PTPN2: variants seen among roughly 807,000 people sequenced by gnomAD.
PTPN2 encodes the protein tyrosine-protein phosphatase non-receptor type 2.
In PTPN2, 19 loss-of-function variants were observed where a neutral mutation model predicts 57.3. The ratio of observed to expected loss-of-function variants is 0.33; its 90% confidence interval spans 0.23 to 0.49. The LOEUF is 0.49. PTPN2 is among the 20% of genes least tolerant of loss of function. PTPN2 has a pLI of 0.99. For missense variants in PTPN2, 358 were observed against 501.1 expected (o/e 0.71, Z 2.73); for synonymous variants, 153 against 164.9 (o/e 0.93, Z 0.55).
At chr18:12,852,712 C>A (rs148840254) in intron 2 of PTPN2, among the ~76,000 whole-genome samples, 139 of 152,194 alleles carry the variant, frequency 9.1e-4, no homozygotes, top group Middle Eastern at 3.4e-3. Context: ...TATCCTTTTT[C>A]CTTTATGTTT....
chr18:12,789,836 T>C (rs1318087035), downstream of PTPN2, among the ~76,000 whole-genome samples: 1 of 149,620 alleles, frequency 6.7e-6, no homozygotes, highest in East Asian at 2.0e-4. Flanking sequence ...TTTATTTTTA[T>C]ATCTATTTTA....
chr18:12,872,638 G>A (rs1395083879), intron 1 of PTPN2, among the ~76,000 whole-genome samples: 1 of 151,828 alleles, frequency 6.6e-6, no homozygotes, highest in Non-Finnish European at 1.5e-5. Flanking sequence ...ATCACCAGGT[G>A]GGCCTATGAA....
intron 2 of PTPN2, among the ~76,000 whole-genome samples, 196 bp from the exon 3 acceptor site, chr18:12,837,087 T>C (rs1422740384): frequency 6.6e-6 from 1 of 152,254 alleles, no homozygotes; most frequent in Non-Finnish European, 1.5e-5. Flanking sequence ...TGTTTATTAC[T>C]ATAGTGCTGG....
At position 12,817,041 on chromosome 18, in the gene PTPN2, T is replaced by A. The variant is rs370269026; in HGVS notation, c.705+115A>T. 6.9e-6 allele frequency: 7 copies of A among 1,016,640 alleles called. No individual in the cohort carries two copies. The East Asian group carries it at 9.7e-5, about 14-fold the overall frequency. 63.0% of individuals were successfully genotyped at this position (1,016,640 alleles called of 1,614,324 possible). ...TTTAGGTTTTTCCAAAAGTAGAAGT[T>A]TAAGTTGAAAAACCTCAGTTCTGGG... On this transcript the variant is annotated intron_variant, in intron 6 of 8. Coordinates refer to ENST00000309660, the MANE Select transcript of PTPN2 (RefSeq NM_002828.4).
At chr18:12,806,263 A>T (rs1218017955) in intron 7 of PTPN2, among the ~76,000 whole-genome samples, 1 of 152,212 alleles carries the variant, frequency 6.6e-6, no homozygotes, top group Non-Finnish European at 1.5e-5. Context: ...AGGAGGTGAA[A>T]GATCTCTATA....
chr18:12,861,276 A>C (rs952255736), intron 1 of PTPN2, among the ~76,000 whole-genome samples: 6 of 152,254 alleles, frequency 3.9e-5, no homozygotes, highest in African/African-American at 1.4e-4. Flanking sequence ...CACGTGGAAG[A>C]GAAATTTAAT....
intron 1 of PTPN2, among the ~76,000 whole-genome samples, chr18:12,865,897 A>T (rs1484541040): frequency 2.0e-5 from 3 of 152,216 alleles, no homozygotes; most frequent in Non-Finnish European, 4.4e-5. Context: ...AAGAGTTAAC[A>T]TATGAACTAG....
chr18:12,844,051 T>C (rs56150366), intron 2 of PTPN2: 61,096 of 152,064 alleles, frequency 0.4, 12,853 homozygotes, highest in South Asian at 0.59. Flanking sequence ...TATGTCATCA[T>C]TGGAAACTGG....
At chr18:12,830,075 C>T (rs2042614829) in intron 4 of PTPN2, among the ~76,000 whole-genome samples, 1 of 151,548 alleles carries the variant, frequency 6.6e-6, no homozygotes, top group African/African-American at 2.4e-5. Context: ...CAATGGTGCT[C>T]AAACTGACAA....
intron 3 of PTPN2, among the ~76,000 whole-genome samples, chr18:12,831,541 T>C (rs1040673307): frequency 2.0e-5 from 3 of 152,076 alleles, no homozygotes; most frequent in African/African-American, 4.8e-5. Flanking sequence ...GCAAAGAAGG[T>C]AGACCAAGGA....
At chr18:12,846,946 T>A (rs1402998975) in intron 2 of PTPN2, among the ~76,000 whole-genome samples, 1 of 151,962 alleles carries the variant, frequency 6.6e-6, no homozygotes, top group African/African-American at 2.4e-5. Flanking sequence ...AAGTGCTTTA[T>A]AGATTTAATT....
intron 2 of PTPN2, among the ~76,000 whole-genome samples, chr18:12,856,556 C>A (rs1435054222): frequency 6.6e-6 from 1 of 152,060 alleles, no homozygotes; most frequent in Non-Finnish European, 1.5e-5. Flanking sequence ...AATGAGAAGG[C>A]ATACAGGAAG....
intron 5 of PTPN2, among the ~76,000 whole-genome samples, chr18:12,817,915 C>T (rs1003203411): frequency 6.6e-6 from 1 of 152,090 alleles, no homozygotes; most frequent in Non-Finnish European, 1.5e-5. Context: ...CCGAGGTGGG[C>T]AGATCACTTG....
chr18:12,849,729 G>C (rs2043330265), intron 2 of PTPN2, among the ~76,000 whole-genome samples: 1 of 152,026 alleles, frequency 6.6e-6, no homozygotes, highest in African/African-American at 2.4e-5. Context: ...GCATTATTAT[G>C]AAACATACCG....
At chr18:12,860,726 C>A (rs2043776669) in intron 1 of PTPN2, among the ~76,000 whole-genome samples, 1 of 152,162 alleles carries the variant, frequency 6.6e-6, no homozygotes, top group Non-Finnish European at 1.5e-5. Context: ...TGCGCCACTG[C>A]AACAACCAGC....
chr18:12,803,923 C>G (rs1246997977), intron 7 of PTPN2, among the ~76,000 whole-genome samples: 1 of 152,140 alleles, frequency 6.6e-6, no homozygotes, highest in East Asian at 1.9e-4. Context: ...CCACAGAATA[C>G]ACATTTTTCT....
intron 1 of PTPN2, among the ~76,000 whole-genome samples, chr18:12,882,377 G>A (rs2044692824): frequency 1.3e-5 from 2 of 152,162 alleles, no homozygotes; most frequent in Admixed American, 1.3e-4. Context: ...AATCTCCAGT[G>A]GATGCGAGTT....
chr18:12,854,232 C>A (rs1205226150), intron 2 of PTPN2, among the ~76,000 whole-genome samples: 3 of 151,772 alleles, frequency 2.0e-5, no homozygotes, highest in Non-Finnish European at 4.4e-5. Flanking sequence ...TGGTGGCATG[C>A]ACCTGTAGTC....
At chr18:12,883,052 T>C (rs2044715186) in intron 1 of PTPN2, among the ~76,000 whole-genome samples, 1 of 152,238 alleles carries the variant, frequency 6.6e-6, no homozygotes, top group African/African-American at 2.4e-5. Context: ...GTGTTTATAC[T>C]ACATATTGCA....
Sources: allele counts gnomAD v4.1 joint callset (sites outside exome capture counted in the v4.1 genomes callset), GRCh38; gene constraint gnomAD v4.1.1; transcripts MANE v1.5; gene names NCBI Gene and HGNC (gene_info 2026-07-23, HGNC 2026-07-21).